The following DCC variants were observed in gnomAD, a reference collection of about 807,000 sequenced individuals.
DCC encodes the protein DCC netrin 1 receptor.
Under a neutral mutation model 172.5 loss-of-function variants are expected in DCC, and 58 were observed. The observed-to-expected ratio is 0.34, with a 90% CI of 0.27 to 0.42. DCC has a LOEUF of 0.42. Among genes scored for constraint, DCC ranks in the 10% least tolerant of loss-of-function variants. The pLI, the probability that DCC is intolerant of heterozygous loss-of-function variation, is 1.00. For synonymous variants in DCC, 709 were observed against 644.5 expected, an observed-to-expected ratio of 1.10 and a Z score of -1.52; for missense variants, 1,740 against 1,791.0, an observed-to-expected ratio of 0.97 and a Z score of 0.51.
intron 2 of DCC, among the ~76,000 whole-genome samples, chr18:52,895,858 T>C (rs2039721037): frequency 6.6e-6 from 1 of 151,720 alleles, no homozygotes; most frequent in Non-Finnish European, 1.5e-5. Context: ...AATCTTGGCT[T>C]ATGGCAATCT....
intron 5 of DCC, among the ~76,000 whole-genome samples, chr18:53,049,733 A>G (rs1357291102): frequency 1.3e-5 from 2 of 152,032 alleles, no homozygotes; most frequent in African/African-American, 4.8e-5. Context: ...TGTGAAAAAT[A>G]TGATTAGTAG....
chr18:52,351,557 A>C (rs1984123265), intron 1 of DCC, among the ~76,000 whole-genome samples: 1 of 152,178 alleles, frequency 6.6e-6, no homozygotes, highest in South Asian at 2.1e-4. Flanking sequence ...GAGCTAGAAA[A>C]ATCCAAGTAA....
intron 1 of DCC, among the ~76,000 whole-genome samples, chr18:52,519,414 G>T (rs1281019121): frequency 6.6e-6 from 1 of 152,120 alleles, no homozygotes; most frequent in Non-Finnish European, 1.5e-5. Context: ...CCCAGGGAAT[G>T]GATGCTTATG....
At chr18:53,278,181 C>T (rs1036158660) in intron 12 of DCC, among the ~76,000 whole-genome samples, 2 of 151,626 alleles carry the variant, frequency 1.3e-5, no homozygotes, top group Admixed American at 6.6e-5. Flanking sequence ...ATTAAAAAAT[C>T]TGAATAATTA....
intron 7 of DCC, among the ~76,000 whole-genome samples, chr18:53,131,291 A>C (rs1192080265): frequency 4.6e-5 from 7 of 152,160 alleles, no homozygotes; most frequent in Admixed American, 4.6e-4. Flanking sequence ...TTGAAAACCC[A>C]TAATTATAGA....
chr18:52,755,838 A>G (rs764495416), intron 2 of DCC, among the ~76,000 whole-genome samples: 3 of 152,180 alleles, frequency 2.0e-5, no homozygotes, highest in African/African-American at 2.4e-5. Flanking sequence ...GAAGTGTAGC[A>G]AATGAAATCT....
intron 7 of DCC, among the ~76,000 whole-genome samples, chr18:53,094,196 A>G (rs1321083791): frequency 2.6e-5 from 4 of 152,200 alleles, no homozygotes; most frequent in Non-Finnish European, 5.9e-5. Flanking sequence ...TTTGTGTTAT[A>G]TGATGAAAAC....
intron 7 of DCC, among the ~76,000 whole-genome samples, chr18:53,098,069 C>A (rs1474452252): frequency 3.3e-5 from 5 of 152,070 alleles, no homozygotes; most frequent in African/African-American, 1.2e-4. Context: ...CTCTGACTTC[C>A]TACAGAGTAC....
At chr18:53,246,409 G>T (rs1488441339) in intron 12 of DCC, among the ~76,000 whole-genome samples, 3 of 151,854 alleles carry the variant, frequency 2.0e-5, no homozygotes, top group Non-Finnish European at 2.9e-5. Context: ...GGAGGAGGTT[G>T]TCAGAACATC....
intron 1 of DCC, among the ~76,000 whole-genome samples, chr18:52,414,802 C>T (rs140877637): frequency 1.6e-4 from 24 of 152,226 alleles, no homozygotes; most frequent in East Asian, 7.7e-4. Context: ...TTCTGTGTTG[C>T]GTGAAAAATG....
intron 2 of DCC, among the ~76,000 whole-genome samples, chr18:52,898,647 G>T (rs1268755729): frequency 9.2e-5 from 14 of 151,554 alleles, no homozygotes; most frequent in Non-Finnish European, 2.1e-4. Context: ...CACTTTTGAT[G>T]TCCCTACAGA....
intron 2 of DCC, among the ~76,000 whole-genome samples, chr18:52,793,913 CTT>C (rs1400621479): frequency 6.6e-6 from 1 of 152,030 alleles, no homozygotes; most frequent in Admixed American, 6.6e-5. Flanking sequence ...AAGGTATTCT[CTT>C]TGTGCCTTTT....
intron 7 of DCC, among the ~76,000 whole-genome samples, chr18:53,090,695 C>CAGCAAAAAAAAAAAAAAAAAA (rs2042990461): frequency 8.0e-5 from 1 of 12,528 alleles, no homozygotes; most frequent in Admixed American, 1.6e-3. Flanking sequence ...CTCCGTCCCC[C>CAGCAAAAAAAAAAAAAAAAAA]AACAAAAAAA....
chr18:52,581,168 C>G (rs1052515144), intron 1 of DCC, among the ~76,000 whole-genome samples: 2 of 6,420 alleles, frequency 3.1e-4, no homozygotes, highest in Non-Finnish European at 1.3e-3. Flanking sequence ...ACACAAACAT[C>G]TCTTTCTATC....
intron 14 of DCC, among the ~76,000 whole-genome samples, chr18:53,334,721 T>C (rs981966148): frequency 1.3e-5 from 2 of 152,340 alleles, no homozygotes; most frequent in South Asian, 2.1e-4. Context: ...TACCATATCA[T>C]TGCCAAGGCT....
At chr18:52,461,030 T>C (rs556796006) in intron 1 of DCC, among the ~76,000 whole-genome samples, 62 of 152,344 alleles carry the variant, frequency 4.1e-4, no homozygotes, top group African/African-American at 1.5e-3. Flanking sequence ...AAACTTTTAA[T>C]TTTTTTAACT....
At chr18:53,245,942 G>A (rs1457038909) in intron 12 of DCC, among the ~76,000 whole-genome samples, 1 of 152,052 alleles carries the variant, frequency 6.6e-6, no homozygotes, top group Non-Finnish European at 1.5e-5. Flanking sequence ...GACTCCAGGA[G>A]TTGGCTGAGC....
intron 1 of DCC, among the ~76,000 whole-genome samples, chr18:52,648,870 T>A (rs1436389088): frequency 6.6e-6 from 1 of 152,138 alleles, no homozygotes; most frequent in African/African-American, 2.4e-5. Flanking sequence ...TTTGCCAGCG[T>A]TTCTAGGTTC....
chr18:52,926,781 CTATA>C (rs1460910717), intron 5 of DCC, among the ~76,000 whole-genome samples: 1 of 147,240 alleles, frequency 6.8e-6, no homozygotes, highest in African/African-American at 2.5e-5. Context: ...AAATTAGTCT[CTATA>C]TATATACACA....
Sources: gnomAD v4.1 joint callset for allele counts (sites outside exome capture counted in the v4.1 genomes callset) on GRCh38, gnomAD v4.1.1 for gene constraint, MANE v1.5 for transcripts, NCBI Gene and HGNC (gene_info 2026-07-23, HGNC 2026-07-21) for gene names.